HS6ST2: variants seen among roughly 807,000 people sequenced by gnomAD.
HS6ST2 encodes heparan-sulfate 6-O-sulfotransferase 2.
In HS6ST2, 17 loss-of-function variants were observed where a neutral mutation model predicts 33.0. That is an observed-to-expected ratio of 0.52 (90% CI 0.35 to 0.77). The LOEUF (loss-of-function observed/expected upper bound fraction) is 0.77. HS6ST2 is among the 30% of genes least tolerant of loss of function. The pLI is 0.01. For synonymous variants in HS6ST2, 248 were observed against 237.1 expected, an observed-to-expected ratio of 1.05 and a Z score of -0.42; for missense variants, 519 against 551.7, an observed-to-expected ratio of 0.94 and a Z score of 0.59.
chrX:132,883,535 C>A (rs1024180031), intron 2 of HS6ST2, among the ~76,000 whole-genome samples: 1 of 111,120 alleles, frequency 9.0e-6, no homozygotes, highest in Non-Finnish European at 1.9e-5. Context: ...TAACATATGT[C>A]AAGCATATAT....
intron 2 of HS6ST2, among the ~76,000 whole-genome samples, chrX:132,736,152 A>G (rs2064508870): frequency 9.0e-6 from 1 of 111,613 alleles, no homozygotes; most frequent in South Asian, 3.8e-4. Context: ...GACAACTGCA[A>G]CTGTGTTCTA....
At chrX:132,869,351 G>A (rs923482846) in intron 2 of HS6ST2, among the ~76,000 whole-genome samples, 2 of 111,972 alleles carry the variant, frequency 1.8e-5, no homozygotes, top group African/African-American at 6.5e-5. Flanking sequence ...AGAAGAGCTG[G>A]TACTATTCCT....
chrX:132,775,466 C>T (rs1227821894), intron 2 of HS6ST2, among the ~76,000 whole-genome samples: 1 of 111,924 alleles, frequency 8.9e-6, no homozygotes, highest in Non-Finnish European at 1.9e-5. Flanking sequence ...ACTGATTCTG[C>T]GAGCTTATCC....
At chrX:132,717,010 T>A (rs1238195196) in intron 2 of HS6ST2, among the ~76,000 whole-genome samples, 1 of 112,678 alleles carries the variant, frequency 8.9e-6, no homozygotes, top group Non-Finnish European at 1.9e-5. Flanking sequence ...TCATTCACAT[T>A]TTTACACATT....
intron 1 of HS6ST2, among the ~76,000 whole-genome samples, chrX:132,957,825 G>C (rs2067101056): frequency 8.9e-6 from 1 of 111,789 alleles, no homozygotes; most frequent in African/African-American, 3.2e-5. Flanking sequence ...GTTTCTCCCC[G>C]CATGCCCCGA....
chrX:132,804,748 G>A (rs948214557), intron 2 of HS6ST2, among the ~76,000 whole-genome samples: 8 of 111,448 alleles, frequency 7.2e-5, no homozygotes, highest in Non-Finnish European at 1.1e-4. Flanking sequence ...GCTATGAGCC[G>A]AGATCAAACC....
At chrX:132,679,242 C>T (rs1247898731) in intron 3 of HS6ST2, among the ~76,000 whole-genome samples, 1 of 112,197 alleles carries the variant, frequency 8.9e-6, no homozygotes, top group Non-Finnish European at 1.9e-5. Context: ...GCAGTCTTAT[C>T]AGGGAACCTG....
chrX:132,890,342 C>T (rs1192117427), intron 2 of HS6ST2, among the ~76,000 whole-genome samples: 11 of 108,433 alleles, frequency 1.0e-4, no homozygotes, highest in Non-Finnish European at 2.1e-4. Context: ...ACTACAAGGC[C>T]ATGGCTCATA....
At chrX:132,879,224 G>A (rs762815680) in intron 2 of HS6ST2, among the ~76,000 whole-genome samples, 1 of 111,530 alleles carries the variant, frequency 9.0e-6, no homozygotes, top group South Asian at 3.8e-4. Context: ...TACTACAGGG[G>A]CTAACCTCAT....
At chrX:132,894,416 C>T (rs2066350693) in intron 2 of HS6ST2, among the ~76,000 whole-genome samples, 1 of 110,836 alleles carries the variant, frequency 9.0e-6, no homozygotes, top group Non-Finnish European at 1.9e-5. Context: ...GCTGGAATTA[C>T]AGGTGTGAGC....
At chrX:132,755,307 G>T (rs2064748429) in intron 2 of HS6ST2, among the ~76,000 whole-genome samples, 1 of 111,517 alleles carries the variant, frequency 9.0e-6, no homozygotes, top group Non-Finnish European at 1.9e-5. Context: ...TCTGCTTTTT[G>T]TTTTTGTTTG....
intron 3 of HS6ST2, among the ~76,000 whole-genome samples, chrX:132,670,131 G>A (rs1249447576): frequency 9.1e-6 from 1 of 110,323 alleles, no homozygotes; most frequent in Non-Finnish European, 1.9e-5. Flanking sequence ...TTCTACGTCA[G>A]CATAACCTTT....
intron 2 of HS6ST2, among the ~76,000 whole-genome samples, chrX:132,943,679 C>A (rs1226324872): frequency 9.0e-6 from 1 of 111,274 alleles, no homozygotes; most frequent in Non-Finnish European, 1.9e-5. Context: ...TGGGCTTCAT[C>A]CCTGGGATGC....
rs148137925 is a variant in HS6ST2 at position 132,650,809 on chromosome X, C to T, written c.1067+18304G>A. Among the ~76,000 whole-genome samples the T allele has an allele frequency of 2.7e-3, 292 of 109,015 alleles. 2 individuals carry two copies. Among genetic ancestry groups the T allele is most frequent in the African/African-American group, 9.9e-3 (290 of 29,336 alleles). The allele number at this position is 109,015 out of a possible 115,157, so 94.7% of individuals were successfully genotyped here. On this transcript the variant is annotated intron_variant, in intron 4 of 4. Coordinates refer to ENST00000370833, the MANE Select transcript of HS6ST2 (RefSeq NM_001394073.1). ...TTGTTTTAAGAGATGAGGTCTCACT[C>T]TATCGCCCAGGCTGGAGTGCAGTGG...
intron 2 of HS6ST2, among the ~76,000 whole-genome samples, chrX:132,746,339 A>G (rs181999666): frequency 1.9e-4 from 21 of 110,666 alleles, no homozygotes; most frequent in African/African-American, 6.6e-4. Flanking sequence ...CGTCTCTACT[A>G]AAAATACAAA....
chrX:132,641,464 C>T (rs1409393334), intron 4 of HS6ST2, among the ~76,000 whole-genome samples: 1 of 112,533 alleles, frequency 8.9e-6, no homozygotes, highest in Non-Finnish European at 1.9e-5. Flanking sequence ...GTTTTCTGTT[C>T]CTGCATTAAT....
intron 2 of HS6ST2, among the ~76,000 whole-genome samples, chrX:132,768,917 A>C (rs1422829698): frequency 8.9e-6 from 1 of 112,442 alleles, no homozygotes; most frequent in Non-Finnish European, 1.9e-5. Context: ...GCAACATTCA[A>C]ATTTGCTTCT....
chrX:132,629,876 C>T (rs1217467745), intron 4 of HS6ST2, among the ~76,000 whole-genome samples: 1 of 112,347 alleles, frequency 8.9e-6, no homozygotes, highest in Non-Finnish European at 1.9e-5. Flanking sequence ...GGATAGGAAA[C>T]TTAACTCTAT....
intron 2 of HS6ST2, among the ~76,000 whole-genome samples, chrX:132,838,510 T>C (rs911725645): frequency 3.6e-5 from 4 of 111,939 alleles, no homozygotes; most frequent in African/African-American, 1.3e-4. Context: ...AGTATCTGAA[T>C]TGAAATTAAA....
Sources: gnomAD v4.1 joint callset for allele counts (sites outside exome capture counted in the v4.1 genomes callset) on GRCh38, gnomAD v4.1.1 for gene constraint, MANE v1.5 for transcripts, NCBI Gene and HGNC (gene_info 2026-07-23, HGNC 2026-07-21) for gene names.